The following DCAF6 variants were observed in gnomAD, a reference collection of about 807,000 sequenced individuals.
DCAF6 encodes the protein DDB1- and CUL4-associated factor 6.
DCAF6 carries 54 observed loss-of-function variants against 125.1 expected under a neutral mutation model. The observed-to-expected ratio is 0.43, with a 90% CI of 0.35 to 0.54. DCAF6 has a LOEUF of 0.54. Among genes scored for constraint, DCAF6 ranks in the 20% least tolerant of loss-of-function variants. The pLI is 0.01. For missense variants in DCAF6, 934 were observed against 1,161.7 expected (o/e 0.80, Z 2.85); for synonymous variants, 371 against 390.4 (o/e 0.95, Z 0.58).
chr1:167,937,263 G>A, intron 1 of DCAF6: 1 of 550,032 alleles, frequency 1.8e-6, no homozygotes, highest in African/African-American at 1.9e-5. Flanking sequence ...GTACTGGCTT[G>A]TAAAGGTGTT....
chr1:168,068,102 T>C (rs71632338), intron 20 of DCAF6, among the ~76,000 whole-genome samples: 1 of 152,214 alleles, frequency 6.6e-6, no homozygotes, highest in Admixed American at 6.5e-5. Flanking sequence ...CTTAAATGTT[T>C]TAAGTAGCCT....
chr1:167,943,347 C>G (rs1672548397), intron 1 of DCAF6, among the ~76,000 whole-genome samples: 1 of 152,148 alleles, frequency 6.6e-6, no homozygotes, highest in African/African-American at 2.4e-5. Context: ...TATATTATTT[C>G]AGGGAGAACT....
chr1:168,023,232 T>G (rs1685887376), intron 12 of DCAF6, 185 bp downstream of exon 12: 1 of 610,190 alleles, frequency 1.6e-6, no homozygotes. Flanking sequence ...TACAGATTAT[T>G]TTCTATGTAA....
chr1:167,937,209 G>T, intron 1 of DCAF6: 1 of 601,242 alleles, frequency 1.7e-6, no homozygotes. Context: ...GCCAGCCGCC[G>T]CCCTTGCTGG....
At chr1:167,937,200 C>T (rs1333189791) in intron 1 of DCAF6, 192 bp downstream of exon 1, 9 of 601,092 alleles carry the variant, frequency 1.5e-5, no homozygotes, top group African/African-American at 3.8e-5. Flanking sequence ...GTGCATGCTG[C>T]CAGCCGCCGC....
the DCAF6 span, among the ~76,000 whole-genome samples, chr1:167,864,895 G>GAA: frequency 0.3 from 38,087 of 128,990 alleles, 5,552 homozygotes; most frequent in South Asian, 0.4. Context: ...TTGCTAACAG[G>GAA]AAAAAAAAAA....
chr1:168,044,854 A>G lies in DCAF6; in HGVS notation c.1931-46A>G, dbSNP rs763278652. The G allele has an allele frequency of 2.5e-6, 4 of 1,580,836 alleles. No homozygotes were observed. The Admixed American group carries it at 5.3e-5, about 21-fold the overall frequency. ...TCCTAAGTTAGGTTAAATAATTAGT[A>G]TTGCCCACATTACCACCTGTTACAT... On this transcript the variant is annotated intron_variant, in intron 15 of 21. Transcript: ENST00000367840.
chr1:167,951,904 A>C (rs1273571920), intron 2 of DCAF6, 43 bp downstream of exon 2: 9 of 1,265,776 alleles, frequency 7.1e-6, no homozygotes, highest in Non-Finnish European at 9.1e-6. Context: ...ATTTGATACT[A>C]AGTGTTTAAG....
At chr1:168,050,821 C>A in intron 16 of DCAF6, 71 bp from the exon 17 acceptor site, 2 of 884,972 alleles carry the variant, frequency 2.3e-6, no homozygotes, top group South Asian at 4.4e-5. Context: ...AAAGGGTGTC[C>A]TTAATGCTTT....
chr1:168,072,321 A>AAAAAAAAAAAAAAAAAAAAAAAAG (rs1693200024), intron 21 of DCAF6, among the ~76,000 whole-genome samples: 1 of 146,286 alleles, frequency 6.8e-6, no homozygotes, highest in African/African-American at 2.6e-5. Flanking sequence ...AAAAAAAAAA[A>AAAAAAAAAAAAAAAAAAAAAAAAG]AAAAGAAAAG....
At chr1:167,947,413 G>A (rs764327740) in intron 1 of DCAF6, among the ~76,000 whole-genome samples, 19 of 148,908 alleles carry the variant, frequency 1.3e-4, no homozygotes, top group Non-Finnish European at 2.7e-4. Flanking sequence ...TGCTAGTTTT[G>A]GGTTTGGTTT....
chr1:168,070,689 ACTAAAGACTG>A lies in DCAF6; in HGVS notation c.2791+2230_2791+2239del, dbSNP rs1238898848. The stretch of plus-strand genomic sequence containing the variant: ...CCAAAGTTAATCTCATGAATAATGC[ACTAAAGACTG>A]CTAGTCTAGTGGCCACTTGAGATGG... On this transcript the variant is annotated intron_variant, in intron 21 of 21. Coordinates refer to ENST00000367840, the MANE Select transcript of DCAF6 (RefSeq NM_001198956.2). 6.6e-5 allele frequency among the ~76,000 whole-genome samples: 10 copies of A among 152,336 alleles called. No individual in the cohort carries two copies. The South Asian group carries it at 2.1e-3, about 32-fold the overall frequency.
intron 6 of DCAF6, among the ~76,000 whole-genome samples, chr1:167,991,835 A>G (rs1266977431): frequency 6.6e-6 from 1 of 152,054 alleles, no homozygotes; most frequent in African/African-American, 2.4e-5. Context: ...CTCTTAGGGC[A>G]CTAGTCATAC....
chr1:168,063,567 T>C (rs1691883074), intron 17 of DCAF6, 54 bp from the exon 18 acceptor site: 1 of 1,358,646 alleles, frequency 7.4e-7, no homozygotes, highest in East Asian at 2.8e-5. Flanking sequence ...TTTCTCATTA[T>C]TCTTTGTGAA....
At chr1:167,901,839 T>C in the DCAF6 span, 33 of 1,614,194 alleles carry the variant, frequency 2.0e-5, no homozygotes, top group Non-Finnish European at 2.8e-5. Flanking sequence ...GCTTTTGACC[T>C]GCCCTGGGGA....
the DCAF6 span, chr1:167,924,541 A>G: frequency 4.8e-5 from 61 of 1,263,490 alleles, no homozygotes; most frequent in African/African-American, 8.8e-4. Flanking sequence ...CTGGGACCTG[A>G]AAAAAAAAAG....
intron 13 of DCAF6, among the ~76,000 whole-genome samples, chr1:168,041,926 A>C (rs1688593138): frequency 6.6e-6 from 1 of 151,278 alleles, no homozygotes; most frequent in African/African-American, 2.4e-5. Context: ...ACACACACAC[A>C]CACACACAAA....
chr1:167,985,207 G>GTGTGTA lies in DCAF6; in HGVS notation c.439-2284_439-2283insTATGTG, dbSNP rs1553223579. Reference sequence around the variant, plus strand: ...GTCGTGTGTGTGTGTGTGTGTGTGTGTGTGGTGTGTGTGTGTGTGGTGTGT... The same window carrying GTGTGTA: ...GTCGTGTGTGTGTGTGTGTGTGTGTGTGTGTATGTGGTGTGTGTGTGTGTGGTGTGT... On this transcript the variant is annotated intron_variant, in intron 4 of 21. Coordinates refer to ENST00000367840, the MANE Select transcript of DCAF6 (RefSeq NM_001198956.2). 1.1e-4 allele frequency among the ~76,000 whole-genome samples: 16 copies of GTGTGTA among 147,062 alleles called. No individual in the cohort carries two copies. In the Admixed American group the frequency reaches 1.1e-3, roughly 10 times the overall value.
intron 1 of DCAF6, 198 bp downstream of exon 1, chr1:167,937,206 G>A: frequency 1.7e-6 from 1 of 599,692 alleles, no homozygotes; most frequent in Non-Finnish European, 3.0e-6. Context: ...GCTGCCAGCC[G>A]CCGCCCTTGC....
Sources: gnomAD v4.1 joint callset for allele counts (sites outside exome capture counted in the v4.1 genomes callset) on GRCh38, gnomAD v4.1.1 for gene constraint, MANE v1.5 for transcripts, NCBI Gene and HGNC (gene_info 2026-07-23, HGNC 2026-07-21) for gene names.